The following EPS15 variants were observed in gnomAD, a reference collection of about 807,000 sequenced individuals.
EPS15 encodes epidermal growth factor receptor substrate 15.
A neutral mutation model predicts 113.8 loss-of-function variants in EPS15; 72 were observed. That is an observed-to-expected ratio of 0.63 (90% confidence interval 0.52 to 0.77). The LOEUF (loss-of-function observed/expected upper bound fraction) is 0.77. Among genes scored for constraint, EPS15 ranks in the 30% least tolerant of loss-of-function variants. The pLI is 0.00. For synonymous variants in EPS15, 344 were observed against 363.4 expected, an observed-to-expected ratio of 0.95 and a Z score of 0.61; for missense variants, 1,048 against 1,045.8, an observed-to-expected ratio of 1.00 and a Z score of -0.03.
At chr1:51,419,043 C>A (rs1471193492) in intron 13 of EPS15, among the ~76,000 whole-genome samples, 2 of 152,100 alleles carry the variant, frequency 1.3e-5, no homozygotes, top group African/African-American at 2.4e-5. Context: ...ATAGGCAATT[C>A]TTTAAGGTAG....
intron 1 of EPS15, among the ~76,000 whole-genome samples, chr1:51,508,330 G>GAAAGAAAGAAAGGAA: frequency 1.0e-5 from 1 of 100,228 alleles, no homozygotes; most frequent in African/African-American, 4.0e-5. Context: ...AAGAGAGAAA[G>GAAAGAAAGAAAGGAA]AGAAAGAGAG....
At chr1:51,503,950 T>A (rs1406039833) in intron 1 of EPS15, among the ~76,000 whole-genome samples, 1 of 152,020 alleles carries the variant, frequency 6.6e-6, no homozygotes, top group African/African-American at 2.4e-5. Context: ...AAAAATCAAC[T>A]TGAAATAGAT....
At position 51,399,067 on chromosome 1, in the gene EPS15, G is replaced by A. The variant is rs377704471; in HGVS notation, c.2017C>T (p.Pro673Ser). Residue 673 changes from proline to serine, a missense_variant, in exon 20 of 25, where the codon CCT (proline) becomes TCT (serine). Coordinates refer to ENST00000371733, the MANE Select transcript of EPS15 (RefSeq NM_001981.3). ...CTGCTATTGTTGGCTGCACTGAAAGGGTCAGTGCTTGAAGTGGCAAAAGGA... is the reference window on the plus strand; with the variant it reads ...CTGCTATTGTTGGCTGCACTGAAAGAGTCAGTGCTTGAAGTGGCAAAAGGA... Reference protein sequence around the residue: ...TDPFATSSTDPFSAANNSSIT... With the variant: ...TDPFATSSTDSFSAANNSSIT... The A allele has an allele frequency of 1.2e-6, 2 of 1,613,662 alleles. No individual in the cohort carries two copies. The highest frequency in any genetic ancestry group is 2.7e-5 in the African/African-American group (2 of 74,900).
intron 1 of EPS15, among the ~76,000 whole-genome samples, chr1:51,515,269 AAG>A (rs1187672960): frequency 6.6e-6 from 1 of 152,042 alleles, no homozygotes; most frequent in East Asian, 1.9e-4. Flanking sequence ...AAAAAAAAAA[AAG>A]AATCTGACAA....
At chr1:51,385,294 T>C (rs1647036302) in intron 21 of EPS15, among the ~76,000 whole-genome samples, 1 of 152,092 alleles carries the variant, frequency 6.6e-6, no homozygotes, top group South Asian at 2.1e-4. Flanking sequence ...GATATACAAA[T>C]AGCCAATAAG....
intron 1 of EPS15, among the ~76,000 whole-genome samples, chr1:51,482,155 C>G (rs1644032133): frequency 6.6e-6 from 1 of 152,188 alleles, no homozygotes; most frequent in African/African-American, 2.4e-5. Flanking sequence ...GGTTAACAGA[C>G]TGAGACCCTG....
intron 21 of EPS15, chr1:51,372,553 C>G: frequency 1.9e-6 from 1 of 527,494 alleles, no homozygotes; most frequent in Non-Finnish European, 3.8e-6. Context: ...ACCACACAGG[C>G]CCTAAACTAC....
intron 21 of EPS15, among the ~76,000 whole-genome samples, chr1:51,380,958 T>C (rs1422430499): frequency 2.0e-5 from 3 of 152,146 alleles, no homozygotes; most frequent in Admixed American, 2.0e-4. Flanking sequence ...CATTATACAA[T>C]AAATAAAGGG....
chr1:51,388,658 T>TA (rs1243310528), intron 21 of EPS15, among the ~76,000 whole-genome samples: 2 of 152,064 alleles, frequency 1.3e-5, no homozygotes, highest in African/African-American at 4.8e-5. Context: ...CCCACAGAAA[T>TA]ACAAACTACC....
intron 19 of EPS15, 132 bp from the exon 20 acceptor site, chr1:51,399,297 TC>T: frequency 1.4e-6 from 1 of 736,904 alleles, no homozygotes. Context: ...ACGTCTGCAT[TC>T]CCACCACTTT....
intron 2 of EPS15, among the ~76,000 whole-genome samples, chr1:51,474,485 C>A (rs1483884621): frequency 6.6e-6 from 1 of 152,070 alleles, no homozygotes; most frequent in Non-Finnish European, 1.5e-5. Context: ...GACTTCTAAT[C>A]CGAGATTCAG....
At chr1:51,398,946 G>A in intron 20 of EPS15, 86 bp downstream of exon 20, 1 of 1,159,676 alleles carries the variant, frequency 8.6e-7, no homozygotes, top group African/African-American at 1.5e-5. Flanking sequence ...CTAAATGAGG[G>A]TTCTTTCATC....
At chr1:51,469,577 C>T (rs1403164030) in intron 4 of EPS15, among the ~76,000 whole-genome samples, 1 of 152,124 alleles carries the variant, frequency 6.6e-6, no homozygotes, top group African/African-American at 2.4e-5. Context: ...TGTCAATACC[C>T]TAGTATAGTC....
At chr1:51,458,507 C>T (rs982459077) in intron 8 of EPS15, 12 of 436,374 alleles carry the variant, frequency 2.7e-5, no homozygotes, top group African/African-American at 4.2e-5. Context: ...GAGGCCGAGG[C>T]GAGTGGATCA....
chr1:51,500,510 T>C (rs954787723), intron 1 of EPS15, among the ~76,000 whole-genome samples: 1 of 152,134 alleles, frequency 6.6e-6, no homozygotes, highest in Non-Finnish European at 1.5e-5. Context: ...GGTATTTCAT[T>C]GTGGTTTTTG....
chr1:51,427,005 C>A (rs1651283136), intron 12 of EPS15, among the ~76,000 whole-genome samples: 1 of 151,934 alleles, frequency 6.6e-6, no homozygotes, highest in Non-Finnish European at 1.5e-5. Flanking sequence ...TCATCAAATT[C>A]TTTTTGCCTA....
At chr1:51,495,337 A>G (rs1040389454) in intron 1 of EPS15, among the ~76,000 whole-genome samples, 2 of 150,834 alleles carry the variant, frequency 1.3e-5, no homozygotes, top group East Asian at 3.9e-4. Context: ...AGTGAGTTTT[A>G]TTTATTTTTA....
chr1:51,503,590 C>T (rs891743269), intron 1 of EPS15, among the ~76,000 whole-genome samples: 5 of 151,906 alleles, frequency 3.3e-5, no homozygotes, highest in Admixed American at 6.6e-5. Context: ...TGCAATGAGC[C>T]GAGTTTGCAC....
At chr1:51,413,458 A>G (rs933850300) in intron 13 of EPS15, among the ~76,000 whole-genome samples, 2 of 152,228 alleles carry the variant, frequency 1.3e-5, no homozygotes, top group Admixed American at 1.3e-4. Flanking sequence ...TAACTATCAT[A>G]GGATTTTAGT....
Sources: gnomAD v4.1 joint callset for allele counts (sites outside exome capture counted in the v4.1 genomes callset) on GRCh38, gnomAD v4.1.1 for gene constraint, MANE v1.5 for transcripts, NCBI Gene and HGNC (gene_info 2026-07-23, HGNC 2026-07-21) for gene names.